The following DPP6 variants were observed in gnomAD, a reference collection of about 807,000 sequenced individuals.
The protein encoded by DPP6 is A-type potassium channel modulatory protein DPP6.
In DPP6, 69 loss-of-function variants were observed where a neutral mutation model predicts 122.6. The observed-to-expected ratio is 0.56, with a 90% CI of 0.46 to 0.69. The LOEUF is 0.69. Ranked by LOEUF, DPP6 falls within the 30% of genes least tolerant of loss-of-function variation. The pLI, the probability that DPP6 is intolerant of heterozygous loss-of-function variation, is 0.00. For synonymous variants in DPP6, 418 were observed against 433.1 expected (o/e 0.97, Z 0.43); for missense variants, 928 against 1,116.9 (o/e 0.83, Z 2.41).
At chr7:154,104,947 AC>A (rs1806043944) in intron 1 of DPP6, among the ~76,000 whole-genome samples, 1 of 152,094 alleles carries the variant, frequency 6.6e-6, no homozygotes, top group South Asian at 2.1e-4. Flanking sequence ...GTGTGTGCTT[AC>A]ATAACAAACA....
chr7:154,791,159 T>C (rs1168994717), intron 10 of DPP6, among the ~76,000 whole-genome samples: 1 of 151,964 alleles, frequency 6.6e-6, no homozygotes, highest in African/African-American at 2.4e-5. Flanking sequence ...GGCTGAGGCA[T>C]GAGAATCGCT....
chr7:153,807,437 AAAC>A, the DPP6 span, among the ~76,000 whole-genome samples: 4 of 151,850 alleles, frequency 2.6e-5, no homozygotes, highest in East Asian at 1.9e-4. Context: ...ACAAAAAAAA[AAAC>A]AAAGACCATA....
chr7:153,955,684 C>G (rs1206381568), intron 1 of DPP6, among the ~76,000 whole-genome samples: 1 of 152,154 alleles, frequency 6.6e-6, no homozygotes, highest in African/African-American at 2.4e-5. Context: ...GGCGATCCAC[C>G]CACCTCGGCC....
intron 1 of DPP6, among the ~76,000 whole-genome samples, chr7:154,255,304 A>C (rs1036535117): frequency 6.6e-6 from 1 of 152,232 alleles, no homozygotes; most frequent in Non-Finnish European, 1.5e-5. Flanking sequence ...GCAGTGTGAA[A>C]TGTTAAAAGG....
At chr7:154,878,466 A>C (rs1433977181) in intron 20 of DPP6, among the ~76,000 whole-genome samples, 2 of 152,224 alleles carry the variant, frequency 1.3e-5, no homozygotes, top group Non-Finnish European at 2.9e-5. Flanking sequence ...CTGATGCCCA[A>C]TGGCGCCAAG....
At chr7:153,989,443 G>A (rs1369376137) in intron 1 of DPP6, among the ~76,000 whole-genome samples, 1 of 151,508 alleles carries the variant, frequency 6.6e-6, no homozygotes, top group African/African-American at 2.4e-5. Flanking sequence ...TGGCATTTGA[G>A]GAGGGGCTCG....
chr7:154,547,213 C>G (rs914357843), intron 4 of DPP6, among the ~76,000 whole-genome samples: 1 of 152,188 alleles, frequency 6.6e-6, no homozygotes. Context: ...CAGCAATGGC[C>G]CATGAGCCAT....
intron 8 of DPP6, among the ~76,000 whole-genome samples, chr7:154,736,308 G>T (rs515906): frequency 0.27 from 41,519 of 152,138 alleles, 6,185 homozygotes; most frequent in South Asian, 0.5. Context: ...AATAGAGTCA[G>T]GGTTTTGCAG....
chr7:154,637,351 A>G (rs539780405), intron 5 of DPP6, among the ~76,000 whole-genome samples: 1 of 152,216 alleles, frequency 6.6e-6, no homozygotes, highest in African/African-American at 2.4e-5. Context: ...AGTGTGCCCA[A>G]TTAAGCCTGC....
At position 154,697,022 on chromosome 7, in the gene DPP6, G is replaced by A. The variant is rs1023158766; in HGVS notation, c.762+27581G>A. 2.6e-5 allele frequency among the ~76,000 whole-genome samples: 4 copies of A among 152,196 alleles called. No homozygotes were observed. In the South Asian group the frequency reaches 8.3e-4, roughly 31 times the overall value. ...TGCTCTTGTGACTGAGTTGCATAAA[G>A]TAGGGGTTGAATTCCTGAGTCCACT... is the stretch of plus-strand genomic sequence containing the variant. On this transcript the variant is annotated intron_variant, in intron 7 of 25. Transcript: ENST00000377770.
At chr7:154,870,963 A>T (rs1317543535) in intron 18 of DPP6, among the ~76,000 whole-genome samples, 1 of 13,666 alleles carries the variant, frequency 7.3e-5, no homozygotes, top group African/African-American at 5.4e-4. Context: ...ACTCCATCTC[A>T]AAAAAAAAAA....
At chr7:153,758,730 T>C in the DPP6 span, among the ~76,000 whole-genome samples, 3 of 151,400 alleles carry the variant, frequency 2.0e-5, no homozygotes, top group Non-Finnish European at 4.4e-5. Flanking sequence ...CAAGTAATAC[T>C]TGATTGTATG....
Position 154,057,630 on chromosome 7 carries a change from G to A in DPP6, c.243+4567G>A, listed in dbSNP as rs554783891. On this transcript the variant is annotated intron_variant, in intron 1 of 25. Coordinates refer to ENST00000377770, the MANE Select transcript of DPP6 (RefSeq NM_130797.4). ...TCTTAGGAGCTGTGGGGTTTTGTAG[G>A]CTGTGGATCCCAAACGTTGCAGTAT... 1.9e-3 allele frequency: 290 copies of A among 150,808 alleles called. 19 individuals carry two copies. The highest frequency in any genetic ancestry group is 6.7e-3 in the African/African-American group (269 of 39,992). 9.3% of individuals were successfully genotyped at this position (150,808 alleles called of 1,614,324 possible).
intron 1 of DPP6, among the ~76,000 whole-genome samples, chr7:154,061,506 C>A (rs1412140614): frequency 4.1e-5 from 6 of 147,136 alleles, no homozygotes; most frequent in African/African-American, 1.2e-4. Flanking sequence ...CCTGCTAGTA[C>A]AAGAAGCAAA....
intron 8 of DPP6, among the ~76,000 whole-genome samples, chr7:154,751,349 C>T (rs1022400355): frequency 1.3e-5 from 2 of 151,804 alleles, no homozygotes; most frequent in African/African-American, 2.4e-5. Flanking sequence ...CCTGTAATCC[C>T]AGCACTTTGG....
intron 1 of DPP6, among the ~76,000 whole-genome samples, chr7:154,043,073 G>A (rs1799841731): frequency 6.6e-6 from 1 of 152,260 alleles, no homozygotes; most frequent in Non-Finnish European, 1.5e-5. Context: ...TTAATAAAAT[G>A]TAGATATAAT....
intron 1 of DPP6, among the ~76,000 whole-genome samples, chr7:154,192,128 C>A (rs1018376620): frequency 6.6e-6 from 1 of 152,154 alleles, no homozygotes; most frequent in African/African-American, 2.4e-5. Flanking sequence ...TTAAAGGCAC[C>A]TTTTAGTTCA....
intron 1 of DPP6, among the ~76,000 whole-genome samples, chr7:154,408,144 G>A (rs1020744745): frequency 2.6e-5 from 4 of 152,156 alleles, no homozygotes; most frequent in Non-Finnish European, 4.4e-5. Flanking sequence ...GTTGGCAGTT[G>A]TAGTAATAGT....
chr7:154,347,914 T>C (rs1431228324), intron 1 of DPP6, among the ~76,000 whole-genome samples: 8 of 152,192 alleles, frequency 5.3e-5, no homozygotes, highest in Non-Finnish European at 8.8e-5. Flanking sequence ...AATCTGCATA[T>C]AATTAAGCCC....
Sources: gnomAD v4.1 joint callset for allele counts (sites outside exome capture counted in the v4.1 genomes callset) on GRCh38, gnomAD v4.1.1 for gene constraint, MANE v1.5 for transcripts, NCBI Gene and HGNC (gene_info 2026-07-23, HGNC 2026-07-21) for gene names.